The following KCNQ2 variants were observed in gnomAD, a reference collection of about 807,000 sequenced individuals.
KCNQ2 encodes the protein potassium voltage-gated channel subfamily KQT member 2.
Under a neutral mutation model 84.8 loss-of-function variants are expected in KCNQ2, and 14 were observed. The ratio of observed to expected loss-of-function variants is 0.17; its 90% confidence interval spans 0.11 to 0.26. The LOEUF (loss-of-function observed/expected upper bound fraction) is 0.26, where lower values mean the gene tolerates loss of function less well. Ranked by LOEUF, KCNQ2 falls within the 10% of genes least tolerant of loss-of-function variation. KCNQ2 has a pLI of 1.00. For synonymous variants in KCNQ2, 599 were observed against 554.1 expected (o/e 1.08, Z -1.14); for missense variants, 788 against 1,254.0 (o/e 0.63, Z 5.61).
intron 1 of KCNQ2, among the ~76,000 whole-genome samples, chr20:63,450,690 G>A (rs2145813224): frequency 6.6e-6 from 1 of 151,528 alleles, no homozygotes. Context: ...CAGCGTCTGT[G>A]GAGCCGAGGC....
At chr20:63,442,891 CACCACCAT>C (rs2081245966) in intron 4 of KCNQ2, among the ~76,000 whole-genome samples, 1 of 67,636 alleles carries the variant, frequency 1.5e-5, no homozygotes, top group Non-Finnish European at 3.1e-5. Context: ...CCACCACCAT[CACCACCAT>C]CACCACCACC....
rs781413080 is a variant in KCNQ2, at chr20:63,413,327, C to T, written c.1763+123G>A. Reference sequence around the variant, plus strand: ...CACAACAGAAGCTGACAGAGGCCGACGTGGGTGGGGAGGAGGCCCCGCCCA... The same window carrying T: ...CACAACAGAAGCTGACAGAGGCCGATGTGGGTGGGGAGGAGGCCCCGCCCA... On this transcript the variant is annotated intron_variant, in intron 15 of 16. Transcript: ENST00000359125. 6.2e-5 allele frequency: 69 copies of T among 1,115,680 alleles called. No individual in the cohort carries two copies. The highest frequency in any genetic ancestry group is 7.7e-5 in the Non-Finnish European group (58 of 757,856). The allele number at this position is 1,115,680 out of a possible 1,614,324, so 69.1% of individuals were successfully genotyped here.
At chr20:63,453,880 G>T (rs1278141374) in intron 1 of KCNQ2, among the ~76,000 whole-genome samples, 1 of 152,062 alleles carries the variant, frequency 6.6e-6, no homozygotes, top group Non-Finnish European at 1.5e-5. Context: ...AGGGCGGGGT[G>T]GGGACAACGA....
intron 4 of KCNQ2, among the ~76,000 whole-genome samples, chr20:63,443,120 T>TCAC (rs879894114): frequency 0.31 from 9,326 of 30,272 alleles, 1,503 homozygotes; most frequent in Non-Finnish European, 0.38. Context: ...ACCACCACTA[T>TCAC]CACCACCACC....
At chr20:63,423,283 G>A (rs569386508) in intron 11 of KCNQ2, among the ~76,000 whole-genome samples, 3 of 152,238 alleles carry the variant, frequency 2.0e-5, no homozygotes, top group African/African-American at 4.8e-5. Context: ...CCCAAGCCCC[G>A]CAGTGTCTCG....
At chr20:63,452,167 C>T (rs1456337871) in intron 1 of KCNQ2, among the ~76,000 whole-genome samples, 3 of 151,602 alleles carry the variant, frequency 2.0e-5, no homozygotes, top group Admixed American at 6.6e-5. Flanking sequence ...AAGATGAAGG[C>T]GCAGGGGCCA....
rs1444720603 is a variant in KCNQ2 at position 63,433,507 on chromosome 20, G to GT, written c.1118+301_1118+302insA. 3.1e-5 allele frequency: 18 copies of GT among 588,606 alleles called. No homozygotes were observed. The African/African-American group carries it at 3.4e-4, about 11-fold the overall frequency. The allele number at this position is 588,606 out of a possible 1,614,324, so 36.5% of individuals were successfully genotyped here. A position where few individuals can be genotyped will look rare whatever the true frequency, so the allele number is the denominator to read the frequency against. On this transcript the variant is annotated intron_variant, in intron 8 of 16. Transcript: ENST00000359125. ...TGTCGGTCCAGAGCAGCCCGGGGCG[G>GT]GGGGCATTTACCTTGAGCTCCCTGG...
chr20:63,472,547 C>A lies in KCNQ2; in HGVS notation c.-84G>T. ...GGGCGGCGCGGGCCCCAGCCCAGGC[C>A]CCCCGGCCGGGAGCCGCATGGCCGA... On this transcript the variant is annotated 5_prime_UTR_variant, in exon 1 of 17. Transcript: ENST00000359125. 7 of 1,188,430 alleles carry A rather than the reference C, an allele frequency of 5.9e-6. No individual in the cohort carries two copies. Among genetic ancestry groups the A allele is most frequent in the Non-Finnish European group, 7.4e-6 (7 of 950,834 alleles). 73.6% of individuals were successfully genotyped at this position (1,188,430 alleles called of 1,614,324 possible). A position where few individuals can be genotyped will look rare whatever the true frequency, so the allele number is the denominator to read the frequency against.
At chr20:63,437,741 A>G (rs1369929777) in intron 7 of KCNQ2, among the ~76,000 whole-genome samples, 1 of 152,246 alleles carries the variant, frequency 6.6e-6, no homozygotes, top group African/African-American at 2.4e-5. Context: ...CTGCGGGTCC[A>G]GTGGATGGAA....
Position 63,428,351 on chromosome 20 carries a change from G to C in KCNQ2, c.1217+16C>G, listed in dbSNP as rs2145636880. ...CTGAGACGCCCACCCGCCCCACCTG[G>C]AGCTCCCCAGCTGACCTGAAAGCGA... On this transcript the variant is annotated intron_variant, in intron 10 of 16. Coordinates refer to ENST00000359125, the MANE Select transcript of KCNQ2 (RefSeq NM_172107.4). 6.4e-7 allele frequency: 1 copy of C among 1,555,290 alleles called. No homozygotes were observed.
At chr20:63,439,973 C>T (rs1305815117) in intron 5 of KCNQ2, among the ~76,000 whole-genome samples, 2 of 152,246 alleles carry the variant, frequency 1.3e-5, no homozygotes, top group Admixed American at 6.5e-5. Flanking sequence ...AGAGGCCCAG[C>T]GACGTGACTC....
At chr20:63,412,812 C>T (rs2080160797) in intron 15 of KCNQ2, among the ~76,000 whole-genome samples, 1 of 152,338 alleles carries the variant, frequency 6.6e-6, no homozygotes, top group East Asian at 1.9e-4. Flanking sequence ...AGGAGAGACT[C>T]TCAACAGCCG....
chr20:63,407,173 C>A lies in KCNQ2; in HGVS notation c.2090G>T (p.Gly697Val), dbSNP rs1398433237. 1 of 1,603,042 alleles carries A rather than the reference C, an allele frequency of 6.2e-7. No homozygotes were observed. Among genetic ancestry groups the A allele is most frequent in the Admixed American group, 1.7e-5 (1 of 59,440 alleles). The change falls in exon 17 of 17, where the codon GGC becomes GTC. Residue 697 changes from glycine to valine, a missense_variant. Gly to Val is a moderately radical substitution (Grantham distance 109). Coordinates refer to ENST00000359125, the MANE Select transcript of KCNQ2 (RefSeq NM_172107.4). The surrounding 1 kb of genome is among the most constrained non-coding windows in gnomAD (Gnocchi z 7.2). ...VKIVRSSSST[G>V]QKNFSAPPAA... ...CGGGGGCGCCGAGAAGTTCTTCTGG[C>A]CCGTGGAGCTGCTGGAGCGCACGAT...
At chr20:63,445,188 C>T in intron 3 of KCNQ2, 50 bp downstream of exon 3, 3 of 1,613,326 alleles carry the variant, frequency 1.9e-6, no homozygotes, top group Non-Finnish European at 2.5e-6. Flanking sequence ...TGAGTCCGTC[C>T]CTGGGTGCCT....
intron 1 of KCNQ2, among the ~76,000 whole-genome samples, chr20:63,471,458 C>A (rs924889641): frequency 6.8e-4 from 104 of 152,372 alleles, no homozygotes; most frequent in African/African-American, 2.4e-3. Context: ...GCCGCAGCCC[C>A]TCCCCCGGGC....
At chr20:63,471,814 A>C in intron 1 of KCNQ2, 1 of 204,540 alleles carries the variant, frequency 4.9e-6, no homozygotes, top group Non-Finnish European at 9.6e-6. Flanking sequence ...CGGAGAGTCC[A>C]GACCCAGCGC....
At chr20:63,444,615 G>C in intron 4 of KCNQ2, 44 bp downstream of exon 4, 1 of 1,471,942 alleles carries the variant, frequency 6.8e-7, no homozygotes, top group Non-Finnish European at 9.1e-7. Flanking sequence ...CAGGACTCTC[G>C]CTGGCTGGGG....
chr20:63,447,170 G>A (rs780178051), intron 1 of KCNQ2, among the ~76,000 whole-genome samples: 2 of 151,786 alleles, frequency 1.3e-5, no homozygotes, highest in African/African-American at 4.8e-5. Context: ...CTTTGGCAAC[G>A]TCTCCAAAAC....
chr20:63,413,336 G>A (rs748848102), intron 15 of KCNQ2, 114 bp downstream of exon 15: 21 of 1,283,474 alleles, frequency 1.6e-5, no homozygotes, highest in Non-Finnish European at 2.2e-5. Context: ...ACGTGGGTGG[G>A]GAGGAGGCCC....
Sources: gnomAD v4.1 joint callset for allele counts (sites outside exome capture counted in the v4.1 genomes callset) on GRCh38, gnomAD v4.1.1 for gene constraint, Gnocchi (gnomAD v3.1) non-coding constraint, MANE v1.5 for transcripts, NCBI Gene and HGNC (gene_info 2026-07-23, HGNC 2026-07-21) for gene names.